SPMIP2: variants seen among roughly 807,000 people sequenced by gnomAD.
SPMIP2 encodes protein SPMIP2.
At chr4:159,079,969 TAC>T in the SPMIP2 span, among the ~76,000 whole-genome samples, 1 of 152,176 alleles carries the variant, frequency 6.6e-6, no homozygotes, top group East Asian at 1.9e-4. Context: ...AAATCCCACC[TAC>T]AGTCTCAAAA....
the SPMIP2 span, among the ~76,000 whole-genome samples, chr4:159,036,905 C>T: frequency 1.3e-5 from 2 of 152,168 alleles, no homozygotes; most frequent in Non-Finnish European, 2.9e-5. Flanking sequence ...AAGTATCTTT[C>T]TTTGAAAAGC....
At chr4:159,078,504 C>A in the SPMIP2 span, among the ~76,000 whole-genome samples, 1 of 152,162 alleles carries the variant, frequency 6.6e-6, no homozygotes, top group Non-Finnish European at 1.5e-5. Flanking sequence ...TACTCAAATG[C>A]CAATATTTTT....
At chr4:158,952,806 G>A in the SPMIP2 span, among the ~76,000 whole-genome samples, 30 of 152,054 alleles carry the variant, frequency 2.0e-4, no homozygotes, top group Non-Finnish European at 3.5e-4. Context: ...TTGGGAACTG[G>A]AGCAAAGATG....
chr4:158,915,346 G>A, the SPMIP2 span: 2 of 1,611,350 alleles, frequency 1.2e-6, no homozygotes, highest in Non-Finnish European at 1.7e-6. Context: ...TCCAGGACAT[G>A]AGGTTTTGGT....
chr4:159,033,214 A>G, the SPMIP2 span, among the ~76,000 whole-genome samples: 10 of 152,124 alleles, frequency 6.6e-5, no homozygotes, highest in East Asian at 1.9e-4. Context: ...TACATACTGT[A>G]TAACTCCAGC....
chr4:158,938,524 A>G, the SPMIP2 span, among the ~76,000 whole-genome samples: 1 of 152,246 alleles, frequency 6.6e-6, no homozygotes, highest in Non-Finnish European at 1.5e-5. Context: ...TGAAACAAGA[A>G]AGGTCTCACA....
chr4:158,937,034 A>T, the SPMIP2 span, among the ~76,000 whole-genome samples: 5 of 152,318 alleles, frequency 3.3e-5, no homozygotes, highest in South Asian at 1.0e-3. Context: ...ACAAAGGAGG[A>T]ACGGGGGAAA....
the SPMIP2 span, among the ~76,000 whole-genome samples, chr4:158,955,563 G>A: frequency 2.6e-5 from 4 of 152,066 alleles, no homozygotes; most frequent in Non-Finnish European, 5.9e-5. Context: ...GCACAAAGAC[G>A]CCTGGCTAAT....
the SPMIP2 span, among the ~76,000 whole-genome samples, chr4:158,975,268 GT>G: frequency 0.97 from 147,477 of 151,972 alleles, 71,708 homozygotes; most frequent in East Asian, 1. Flanking sequence ...TCTGATGATA[GT>G]TTTTTTTTGC....
At chr4:159,080,506 C>T in the SPMIP2 span, among the ~76,000 whole-genome samples, 3 of 152,004 alleles carry the variant, frequency 2.0e-5, no homozygotes, top group Admixed American at 6.6e-5. Context: ...GGCATGAGCC[C>T]CTCATTGAGC....
the SPMIP2 span, among the ~76,000 whole-genome samples, chr4:158,926,736 G>T: frequency 4.5e-3 from 687 of 152,190 alleles, 4 homozygotes; most frequent in African/African-American, 0.015. Flanking sequence ...CTGCCTAGTT[G>T]TTCTATCTGT....
the SPMIP2 span, among the ~76,000 whole-genome samples, chr4:159,015,324 G>T: frequency 6.6e-6 from 1 of 152,198 alleles, no homozygotes; most frequent in African/African-American, 2.4e-5. Flanking sequence ...AGTGCCTCAT[G>T]CAAACCAGTC....
At chr4:158,895,029 C>T in the SPMIP2 span, among the ~76,000 whole-genome samples, 127 of 152,178 alleles carry the variant, frequency 8.3e-4, no homozygotes, top group African/African-American at 2.8e-3. Flanking sequence ...TGAAGATGCT[C>T]GGGTATCTGC....
the SPMIP2 span, among the ~76,000 whole-genome samples, chr4:159,076,859 A>G: frequency 1.4e-5 from 2 of 146,992 alleles, no homozygotes; most frequent in East Asian, 2.0e-4. Context: ...TTTTTTTGAG[A>G]TGGAGTCTCG....
At chr4:158,938,400 C>T in the SPMIP2 span, among the ~76,000 whole-genome samples, 54 of 152,176 alleles carry the variant, frequency 3.5e-4, no homozygotes, top group African/African-American at 1.2e-3. Context: ...CCATATGCTT[C>T]GAACCTCAGG....
the SPMIP2 span, among the ~76,000 whole-genome samples, chr4:158,902,729 T>C: frequency 1.3e-5 from 2 of 152,254 alleles, no homozygotes; most frequent in Non-Finnish European, 2.9e-5. Flanking sequence ...GTGGCCTTGC[T>C]GAGAGCTGCA....
chr4:158,992,492 TGTCATTA>T, the SPMIP2 span, among the ~76,000 whole-genome samples: 1 of 152,238 alleles, frequency 6.6e-6, no homozygotes, highest in Admixed American at 6.5e-5. Flanking sequence ...GATATTTATC[TGTCATTA>T]GTTCCTAAGT....
chr4:159,004,255 A>G, the SPMIP2 span, among the ~76,000 whole-genome samples: 2 of 140,836 alleles, frequency 1.4e-5, no homozygotes, highest in African/African-American at 5.3e-5. Context: ...CATTTTGAAG[A>G]GGAATTAGAG....
At chr4:159,059,342 T>A in the SPMIP2 span, among the ~76,000 whole-genome samples, 9 of 152,372 alleles carry the variant, frequency 5.9e-5, no homozygotes, top group South Asian at 1.9e-3. Flanking sequence ...ATATTTTTAA[T>A]GTACTATAGA....
Sources: allele counts gnomAD v4.1 joint callset (sites outside exome capture counted in the v4.1 genomes callset), GRCh38; gene constraint gnomAD v4.1.1; transcripts MANE v1.5; gene names NCBI Gene and HGNC (gene_info 2026-07-23, HGNC 2026-07-21).